The following ARHGEF10 variants were observed in gnomAD, a reference collection of about 807,000 sequenced individuals.
ARHGEF10 encodes the protein Rho guanine nucleotide exchange factor (GEF) 10.
Under a neutral mutation model 147.4 loss-of-function variants are expected in ARHGEF10, and 140 were observed. That is an observed-to-expected ratio of 0.95 (90% CI 0.83 to 1.09). ARHGEF10 has a LOEUF of 1.09. Among genes scored for constraint, ARHGEF10 ranks in the 50% least tolerant of loss-of-function variants. The probability of loss-of-function intolerance (pLI) is 0.00; values close to 1 mark genes in which losing one functional copy is unlikely to be tolerated. For missense variants in ARHGEF10, 2,222 were observed against 1,752.7 expected (o/e 1.27, Z -4.78); for synonymous variants, 902 against 695.8 (o/e 1.30, Z -4.67).
Position 1,923,032 on chromosome 8 carries a change from A to G in ARHGEF10, c.2212A>G (p.Ile738Val), listed in dbSNP as rs1484802119. ...LQNLLHDLNV[I>V]GQITQLIGNL... ...AAACTTGTTGCATGACTTAAATGTA[A>G]TTGGCCAAATCACTCAGCTGATAGG... The change falls in exon 19 of 29, where the codon ATT (isoleucine) becomes GTT (valine). Residue 738 changes from isoleucine (I) to valine (V), a missense_variant. Physicochemically the swap from Ile to Val is conservative, Grantham distance 29. Coordinates refer to ENST00000349830, the MANE Select transcript of ARHGEF10 (RefSeq NM_014629.4). The G allele has an allele frequency of 3.1e-6, 5 of 1,613,528 alleles. No homozygotes were observed. In the African/African-American group the frequency reaches 4.0e-5, roughly 13 times the overall value.
intron 11 of ARHGEF10, 142 bp downstream of exon 11, chr8:1,885,849 C>A: frequency 1.4e-6 from 1 of 736,174 alleles, no homozygotes; most frequent in South Asian, 1.5e-5. Context: ...AGGTTCCTGG[C>A]CCAGCACTTA....
chr8:1,933,342 ATCT>A (rs1383140304), intron 25 of ARHGEF10, among the ~76,000 whole-genome samples: 2 of 152,158 alleles, frequency 1.3e-5, no homozygotes, highest in Non-Finnish European at 2.9e-5. Context: ...TGACTGAATC[ATCT>A]TCTCTGCTAT....
chr8:1,895,731 T>C (rs1054994910), intron 13 of ARHGEF10, among the ~76,000 whole-genome samples: 3 of 152,198 alleles, frequency 2.0e-5, no homozygotes, highest in Non-Finnish European at 4.4e-5. Context: ...CTGCCATCCA[T>C]CCTAAAGGAC....
At chr8:1,824,468 G>C (rs1393364350) in intron 1 of ARHGEF10, among the ~76,000 whole-genome samples, 1 of 151,904 alleles carries the variant, frequency 6.6e-6, no homozygotes, top group Non-Finnish European at 1.5e-5. Flanking sequence ...TAGATTTTCC[G>C]GTAAAGGAGA....
chr8:1,842,961 G>A (rs559076235), intron 1 of ARHGEF10, among the ~76,000 whole-genome samples: 5 of 152,278 alleles, frequency 3.3e-5, no homozygotes, highest in East Asian at 3.9e-4. Flanking sequence ...CGTCAGCGCC[G>A]CACCTGATCC....
At chr8:1,946,998 T>C (rs1814645773) in intron 27 of ARHGEF10, among the ~76,000 whole-genome samples, 1 of 152,176 alleles carries the variant, frequency 6.6e-6, no homozygotes. Flanking sequence ...AACATGCAAG[T>C]TTATATTTAG....
At chr8:1,869,356 A>G (rs1391949236) in intron 7 of ARHGEF10, 106 bp downstream of exon 7, 3 of 914,666 alleles carry the variant, frequency 3.3e-6, no homozygotes, top group African/African-American at 1.6e-5. Flanking sequence ...TTCTGTATTC[A>G]TGTTTTGTAT....
intron 25 of ARHGEF10, 147 bp from the exon 26 acceptor site, chr8:1,933,653 C>A: frequency 9.3e-7 from 1 of 1,075,632 alleles, no homozygotes; most frequent in Non-Finnish European, 1.4e-6. Context: ...GCTTGTCGAT[C>A]CCCAGACACA....
chr8:1,878,225 T>C (rs1807873008), intron 8 of ARHGEF10, among the ~76,000 whole-genome samples: 1 of 152,110 alleles, frequency 6.6e-6, no homozygotes, highest in Non-Finnish European at 1.5e-5. Context: ...GAGTCTTGCC[T>C]GTCGCTCAGG....
At chr8:1,862,831 T>G (rs2129080839) in intron 4 of ARHGEF10, among the ~76,000 whole-genome samples, 1 of 146,342 alleles carries the variant, frequency 6.8e-6, no homozygotes, top group Non-Finnish European at 1.5e-5. Flanking sequence ...CAGGCTGGAG[T>G]ACAGTGGCGG....
chr8:1,841,844 TGGGGCCGCGGCGG>T (rs1804068264), intron 1 of ARHGEF10, among the ~76,000 whole-genome samples: 4 of 111,624 alleles, frequency 3.6e-5, no homozygotes, highest in African/African-American at 1.3e-4. Context: ...CGACGGGAAC[TGGGGCCGCGGCGG>T]GAACTGGGGC....
In ARHGEF10 at chr8:1,832,738, A is replaced by C. The variant is rs1237349130; in HGVS notation, c.-48+8625A>C. Among the ~76,000 whole-genome samples, 5 of 119,640 alleles carry C rather than the reference A, an allele frequency of 4.2e-5. 1 individual carries two copies. The highest frequency in any genetic ancestry group is 5.4e-5 in the Non-Finnish European group (3 of 55,792). 78.5% of individuals were successfully genotyped at this position (119,640 alleles called of 152,430 possible). On this transcript the variant is annotated intron_variant, in intron 1 of 28. Transcript: ENST00000349830. ...CAGAGGCAGAGAGAGACAGAGGCAG[A>C]GGCAGAGGCAGAGACAGAGACAGAG...
At chr8:1,833,366 G>GCAGAGACAGAGA (rs1563150338) in intron 1 of ARHGEF10, among the ~76,000 whole-genome samples, 17 of 131,246 alleles carry the variant, frequency 1.3e-4, no homozygotes, top group Middle Eastern at 0.011. Context: ...AGAGACAGAG[G>GCAGAGACAGAGA]CAGAGACAGA....
At position 1,869,214 on chromosome 8, in the gene ARHGEF10, G is replaced by A; in HGVS notation, c.643G>A (p.Asp215Asn). ...WMENPEEAIY[D>N]DVPRENSDSE... ...TGCAGATCCAGAGGAAGCAATTTAC[G>A]ATGACGTTCCAAGGGAAAACTCAGA... The change falls in exon 7 of 29, where the codon GAT becomes AAT. Residue 215 changes from aspartate (D) to asparagine (N), a missense_variant. Asp to Asn is a conservative substitution (Grantham distance 23). Transcript: ENST00000349830. The A allele has an allele frequency of 1.9e-6, 3 of 1,614,008 alleles. No homozygotes were observed. Among genetic ancestry groups the A allele is most frequent in the Non-Finnish European group, 2.5e-6 (3 of 1,179,894 alleles).
intron 26 of ARHGEF10, among the ~76,000 whole-genome samples, chr8:1,934,311 G>A (rs947141390): frequency 5.3e-5 from 7 of 131,620 alleles, no homozygotes; most frequent in African/African-American, 1.2e-4. Context: ...CCAAGATCTC[G>A]CCACTGCACT....
Position 1,885,621 on chromosome 8 carries a change from G to C in ARHGEF10, c.1096G>C (p.Glu366Gln). ...TTAAGATCACAGATCTTCTCTTGAG[G>C]AAGAACAGAATTTGTTCATTGATGT... ...IAQDHRSSLE[E>Q]EQNLFIDVDC... The change falls in exon 11 of 29, where the codon GAA becomes CAA. Residue 366 changes from glutamate to glutamine, a missense_variant. By Grantham distance (29) the Glu-to-Gln change is conservative (BLOSUM62 2). Transcript: ENST00000349830. 1 of 1,613,498 alleles carries C rather than the reference G, an allele frequency of 6.2e-7. No individual in the cohort carries two copies.
rs142685994 is a variant in ARHGEF10, at chr8:1,915,172, G to A, written c.2143+5702G>A. Among the ~76,000 whole-genome samples the A allele has an allele frequency of 1.8e-3, 273 of 152,228 alleles. 2 individuals are homozygous for A. The highest frequency in any genetic ancestry group is 5.9e-3 in the African/African-American group (247 of 41,538). Reference sequence around the variant, plus strand: ...GAGAAAGGCCTTCAAACATACATAGGGAGTAAAACCACAAAGAGCTCTCAG... The same window carrying A: ...GAGAAAGGCCTTCAAACATACATAGAGAGTAAAACCACAAAGAGCTCTCAG... On this transcript the variant is annotated intron_variant, in intron 18 of 28. Transcript: ENST00000349830.
At chr8:1,944,959 G>A (rs560065617) in intron 26 of ARHGEF10, among the ~76,000 whole-genome samples, 9 of 152,376 alleles carry the variant, frequency 5.9e-5, no homozygotes, top group African/African-American at 9.6e-5. Context: ...ATGCACTTTC[G>A]GAGCTGCGGG....
At position 1,868,809 on chromosome 8, in the gene ARHGEF10, G is replaced by A. The variant is rs1234354811; in HGVS notation, c.623-385G>A. The stretch of plus-strand genomic sequence containing the variant: ...GTGCGTCAGAACGTCAACTTCATAA[G>A]CTTAAAATACTCGTCAGAGAGCCAT... On this transcript the variant is annotated intron_variant, in intron 6 of 28. Coordinates refer to ENST00000349830, the MANE Select transcript of ARHGEF10 (RefSeq NM_014629.4). 3.9e-5 allele frequency among the ~76,000 whole-genome samples: 6 copies of A among 152,100 alleles called. No homozygotes were observed. The East Asian group carries it at 7.7e-4, about 20-fold the overall frequency.
Sources: gnomAD v4.1 joint callset for allele counts (sites outside exome capture counted in the v4.1 genomes callset) on GRCh38, gnomAD v4.1.1 for gene constraint, MANE v1.5 for transcripts, NCBI Gene and HGNC (gene_info 2026-07-23, HGNC 2026-07-21) for gene names.